The following TRDMT1 variants were observed in gnomAD, a reference collection of about 807,000 sequenced individuals.
TRDMT1 encodes tRNA (cytosine(38)-C(5))-methyltransferase.
In TRDMT1, 49 loss-of-function variants were observed where a neutral mutation model predicts 51.2. The observed-to-expected ratio is 0.96, with a 90% confidence interval of 0.76 to 1.21. The LOEUF (loss-of-function observed/expected upper bound fraction) is 1.21, where lower values mean the gene tolerates loss of function less well. TRDMT1 is among the 50% of genes most tolerant of loss of function. The probability of loss-of-function intolerance (pLI) is 0.00; values close to 1 mark genes in which losing one functional copy is unlikely to be tolerated. For synonymous variants in TRDMT1, 187 were observed against 164.6 expected, an observed-to-expected ratio of 1.14 and a Z score of -1.04; for missense variants, 534 against 462.3, an observed-to-expected ratio of 1.16 and a Z score of -1.42.
chr10:17,148,045 C>G lies in TRDMT1; in HGVS notation c.*995G>C. 2 of 985,310 alleles carry G rather than the reference C, an allele frequency of 2.0e-6. No individual in the cohort carries two copies. The highest frequency in any genetic ancestry group is 1.2e-6 in the Non-Finnish European group (1 of 829,834). The allele number at this position is 985,310 out of a possible 1,614,324, so 61.0% of individuals were successfully genotyped here. On this transcript the variant is annotated 3_prime_UTR_variant, in exon 11 of 11. Coordinates refer to ENST00000377799, the MANE Select transcript of TRDMT1 (RefSeq NM_004412.7). ...GGACTTGTTTCTTTTCATCTCTCTT[C>G]TCTTTGTCACTTGCTTTTATCACAA...
rs1846216170 is a variant in TRDMT1, at chr10:17,201,671, C to G, written c.-37G>C. 6.5e-7 allele frequency: 1 copy of G among 1,530,526 alleles called. No homozygotes were observed. The allele number at this position is 1,530,526 out of a possible 1,614,324, so 94.8% of individuals were successfully genotyped here. ...AGCCGCCGCAGCCCCGGAGCTAGGC[C>G]TGCCGGTCCGTCGCTCCTCCTCCCT... is the stretch of plus-strand genomic sequence containing the variant. On this transcript the variant is annotated 5_prime_UTR_variant, in exon 1 of 11. Coordinates refer to ENST00000377799, the MANE Select transcript of TRDMT1 (RefSeq NM_004412.7).
rs1027106309 is a variant in TRDMT1, at chr10:17,140,709, T to G, written c.*8331A>C. Among the ~76,000 whole-genome samples the G allele has an allele frequency of 7.2e-6, 1 of 138,190 alleles. No homozygotes were observed. Among genetic ancestry groups the G allele is most frequent in the South Asian group, 2.5e-4 (1 of 4,002 alleles). The allele number at this position is 138,190 out of a possible 152,430, so 90.7% of individuals were successfully genotyped here. On this transcript the variant is annotated 3_prime_UTR_variant, in exon 11 of 11. Coordinates refer to ENST00000377799, the MANE Select transcript of TRDMT1 (RefSeq NM_004412.7). ...ATTTTAAATGATAAAACTAATATTA[T>G]GCCACATTGATGAAAACAAAAACAA...
At position 17,145,151 on chromosome 10, in the gene TRDMT1, G is replaced by T; in HGVS notation, c.*3889C>A. On this transcript the variant is annotated 3_prime_UTR_variant, in exon 11 of 11. Coordinates refer to ENST00000377799, the MANE Select transcript of TRDMT1 (RefSeq NM_004412.7). ...AATCCCAGCTACTAGGGAGGCTGAG[G>T]CAGGAAAATCACTTTAACCCAGGAG... is the stretch of plus-strand genomic sequence containing the variant. The T allele has an allele frequency of 1.6e-6, 1 of 621,528 alleles. No individual in the cohort carries two copies. The highest frequency in any genetic ancestry group is 2.0e-6 in the Non-Finnish European group (1 of 497,632). The allele number at this position is 621,528 out of a possible 1,614,324, so 38.5% of individuals were successfully genotyped here.
chr10:17,153,724 C>A, intron 9 of TRDMT1, 88 bp from the exon 10 acceptor site: 1 of 1,368,228 alleles, frequency 7.3e-7, no homozygotes, highest in Non-Finnish European at 9.8e-7. Context: ...ACTCGATGGA[C>A]ATACAGTCTG....
intron 2 of TRDMT1, among the ~76,000 whole-genome samples, chr10:17,169,838 T>C (rs1023709666): frequency 2.0e-5 from 3 of 152,202 alleles, no homozygotes; most frequent in African/African-American, 4.8e-5. Context: ...TAATTAAAGA[T>C]ACATCTGTGA....
intron 10 of TRDMT1, chr10:17,151,310 T>C: frequency 1.0e-6 from 1 of 985,070 alleles, no homozygotes; most frequent in East Asian, 1.1e-4. Context: ...CAAAGAAACA[T>C]GGGATGAACA....
intron 10 of TRDMT1, 83 bp downstream of exon 10, chr10:17,153,424 G>C (rs1216055893): frequency 2.0e-6 from 3 of 1,512,886 alleles, no homozygotes; most frequent in Non-Finnish European, 2.7e-6. Flanking sequence ...CATTTGTTTA[G>C]GCAAGTCCTA....
intron 6 of TRDMT1, 101 bp from the exon 7 acceptor site, chr10:17,159,330 C>A: frequency 2.7e-6 from 2 of 740,090 alleles, no homozygotes; most frequent in East Asian, 2.7e-5. Flanking sequence ...CTCAAACGAG[C>A]CTACATTTAG....
intron 1 of TRDMT1, among the ~76,000 whole-genome samples, chr10:17,182,783 C>A (rs987851089): frequency 2.0e-5 from 3 of 152,152 alleles, no homozygotes; most frequent in Non-Finnish European, 2.9e-5. Flanking sequence ...TCAATTCTTA[C>A]AAAGCTCAAG....
In TRDMT1 at chr10:17,145,955, A is replaced by G. The variant is rs1056324271; in HGVS notation, c.*3085T>C. 2.0e-6 allele frequency: 2 copies of G among 985,268 alleles called. No homozygotes were observed. Among genetic ancestry groups the G allele is most frequent in the Non-Finnish European group, 2.4e-6 (2 of 829,938 alleles). The allele number at this position is 985,268 out of a possible 1,614,324, so 61.0% of individuals were successfully genotyped here. A position where few individuals can be genotyped will look rare whatever the true frequency, so the allele number is the denominator to read the frequency against. On this transcript the variant is annotated 3_prime_UTR_variant, in exon 11 of 11. Transcript: ENST00000377799. ...CTCCAGCTTAATCACTCTAGACCTC[A>G]ACTAGGTTGAGATGGGAGCAAAAAC... is the stretch of plus-strand genomic sequence containing the variant.
At chr10:17,186,072 TAA>T (rs1208176099) in intron 1 of TRDMT1, among the ~76,000 whole-genome samples, 75 of 151,286 alleles carry the variant, frequency 5.0e-4, no homozygotes, top group African/African-American at 1.7e-3. Flanking sequence ...AATAAATAAA[TAA>T]ATAAATAAAT....
chr10:17,190,623 T>C (rs115026217), intron 1 of TRDMT1, among the ~76,000 whole-genome samples: 1 of 152,188 alleles, frequency 6.6e-6, no homozygotes, highest in Non-Finnish European at 1.5e-5. Flanking sequence ...ATATTTGTTA[T>C]CTATTAAAAT....
chr10:17,162,059 G>A, intron 4 of TRDMT1, 107 bp downstream of exon 4: 1 of 917,080 alleles, frequency 1.1e-6, no homozygotes, highest in South Asian at 1.4e-5. Flanking sequence ...AATATCTCAA[G>A]GGAGCATGTA....
intron 3 of TRDMT1, among the ~76,000 whole-genome samples, chr10:17,162,445 C>T (rs530093816): frequency 1.9e-3 from 288 of 152,266 alleles, no homozygotes; most frequent in African/African-American, 6.6e-3. Flanking sequence ...CAGAGGCTCA[C>T]GCTTGTAATT....
intron 3 of TRDMT1, among the ~76,000 whole-genome samples, chr10:17,165,821 A>G (rs1283286310): frequency 1.3e-5 from 2 of 152,246 alleles, no homozygotes; most frequent in Admixed American, 1.3e-4. Context: ...CTACAATGAG[A>G]TACCATCTCA....
At chr10:17,196,777 TG>T (rs1845502292) in intron 1 of TRDMT1, among the ~76,000 whole-genome samples, 4 of 152,170 alleles carry the variant, frequency 2.6e-5, no homozygotes, top group Admixed American at 2.6e-4. Flanking sequence ...TGTCTGGCCG[TG>T]GTATCTAGTG....
chr10:17,185,313 G>A (rs1302877118), intron 1 of TRDMT1, among the ~76,000 whole-genome samples: 1 of 152,176 alleles, frequency 6.6e-6, no homozygotes, highest in Non-Finnish European at 1.5e-5. Context: ...AAAGACACAT[G>A]AAAAAATGCT....
At chr10:17,183,752 C>CA (rs111598062) in intron 1 of TRDMT1, among the ~76,000 whole-genome samples, 21 of 151,936 alleles carry the variant, frequency 1.4e-4, no homozygotes, top group African/African-American at 4.8e-4. Flanking sequence ...AAAAAGCAAA[C>CA]AAAAAAATGA....
rs1024187907 is a variant in TRDMT1, at chr10:17,145,191, G to A, written c.*3849C>T. The A allele has an allele frequency of 1.4e-5, 11 of 771,452 alleles. No homozygotes were observed. In the African/African-American group the frequency reaches 1.7e-4, roughly 12 times the overall value. 47.8% of individuals were successfully genotyped at this position (771,452 alleles called of 1,614,324 possible). A position where few individuals can be genotyped will look rare whatever the true frequency, so the allele number is the denominator to read the frequency against. ...TAACCCAGGAGGGGGAGATTGCAGT[G>A]AGCCGAGATCACGCCACTGCACTCC... On this transcript the variant is annotated 3_prime_UTR_variant, in exon 11 of 11. Transcript: ENST00000377799.
Sources: allele counts gnomAD v4.1 joint callset (sites outside exome capture counted in the v4.1 genomes callset), GRCh38; gene constraint gnomAD v4.1.1; transcripts MANE v1.5; gene names NCBI Gene and HGNC (gene_info 2026-07-23, HGNC 2026-07-21).